SPIDR: variants seen among roughly 807,000 people sequenced by gnomAD.
SPIDR encodes the protein scaffold protein involved in DNA repair.
In SPIDR, 93 loss-of-function variants were observed where a neutral mutation model predicts 104.6. The observed-to-expected ratio is 0.89, with a 90% CI of 0.75 to 1.06. The LOEUF is 1.06. SPIDR is among the 50% of genes least tolerant of loss of function. The pLI is 0.00. For synonymous variants in SPIDR, 431 were observed against 416.9 expected, an observed-to-expected ratio of 1.03 and a Z score of -0.41; for missense variants, 1,154 against 1,111.2, an observed-to-expected ratio of 1.04 and a Z score of -0.55.
chr8:47,304,567 T>C (rs1005344785), intron 5 of SPIDR, among the ~76,000 whole-genome samples: 7 of 152,164 alleles, frequency 4.6e-5, no homozygotes, highest in African/African-American at 1.7e-4. Flanking sequence ...GCTCTCTTGC[T>C]TTCACCATGT....
chr8:47,735,795 A>G lies in SPIDR; in HGVS notation c.*345A>G, dbSNP rs879260082. ...ATTTTAACAAGTTGAACATTTTACCATGATTGAACATGTTTTTATTACAGT... is the reference window on the plus strand; with the variant it reads ...ATTTTAACAAGTTGAACATTTTACCGTGATTGAACATGTTTTTATTACAGT... On this transcript the variant is annotated 3_prime_UTR_variant, in exon 20 of 20. Coordinates refer to ENST00000297423, the MANE Select transcript of SPIDR (RefSeq NM_001080394.4). 2.1e-6 allele frequency: 1 copy of G among 468,166 alleles called. No homozygotes were observed. Among genetic ancestry groups the G allele is most frequent in the Non-Finnish European group, 3.8e-6 (1 of 261,894 alleles). The allele number at this position is 468,166 out of a possible 1,614,324, so 29.0% of individuals were successfully genotyped here.
chr8:47,344,266 C>A (rs546204741), intron 5 of SPIDR, among the ~76,000 whole-genome samples: 48 of 152,202 alleles, frequency 3.2e-4, no homozygotes, highest in African/African-American at 1.1e-3. Context: ...ATGGTTTCCA[C>A]CTTCATCCAT....
chr8:47,691,805 T>C (rs1163689713), intron 11 of SPIDR, among the ~76,000 whole-genome samples: 1 of 152,192 alleles, frequency 6.6e-6, no homozygotes, highest in Non-Finnish European at 1.5e-5. Context: ...GGGGGTTACA[T>C]GGAATTAGTA....
chr8:47,552,698 T>A (rs1394572383), intron 8 of SPIDR, among the ~76,000 whole-genome samples: 3 of 152,174 alleles, frequency 2.0e-5, no homozygotes, highest in Admixed American at 2.0e-4. Context: ...CACTGATGTG[T>A]CTTGACTCTT....
At chr8:47,547,844 C>G (rs1260218500) in intron 8 of SPIDR, 2 of 173,506 alleles carry the variant, frequency 1.2e-5, no homozygotes, top group East Asian at 1.8e-4. Context: ...GGACGATGAA[C>G]AAACACACTG....
intron 5 of SPIDR, among the ~76,000 whole-genome samples, chr8:47,354,413 T>C (rs1399693399): frequency 6.6e-6 from 1 of 151,922 alleles, no homozygotes; most frequent in Non-Finnish European, 1.5e-5. Flanking sequence ...AAGCTAAGGA[T>C]TGGAGCTTAT....
intron 5 of SPIDR, among the ~76,000 whole-genome samples, chr8:47,389,740 G>C (rs2060361425): frequency 7.0e-6 from 1 of 143,312 alleles, no homozygotes; most frequent in Admixed American, 6.9e-5. Flanking sequence ...TTTCGCCCAA[G>C]TACATTGGGT....
chr8:47,668,140 A>T (rs892583471), intron 10 of SPIDR, among the ~76,000 whole-genome samples: 1 of 152,216 alleles, frequency 6.6e-6, no homozygotes, highest in African/African-American at 2.4e-5. Flanking sequence ...AACACAGATT[A>T]TGTGAGTCTT....
rs1554659991 is a variant in SPIDR at position 47,398,369 on chromosome 8, C to T, written c.776+1743C>T. On this transcript the variant is annotated intron_variant, in intron 6 of 19. Transcript: ENST00000297423. ...AAGGTGAATGGAGCCCCGCTTGTGT[C>T]GAGGGAAGGGCAATAAGGAGCCAAG... Among the ~76,000 whole-genome samples the T allele has an allele frequency of 8.6e-5, 13 of 151,702 alleles. No individual in the cohort carries two copies. In the South Asian group the frequency reaches 1.7e-3, roughly 19 times the overall value.
chr8:47,673,087 A>G (rs1334051105), intron 10 of SPIDR, among the ~76,000 whole-genome samples: 1 of 152,218 alleles, frequency 6.6e-6, no homozygotes, highest in Non-Finnish European at 1.5e-5. Context: ...GGCTCCGTGA[A>G]ATGTTTTCTG....
chr8:47,398,630 A>G (rs1554660132), intron 6 of SPIDR, among the ~76,000 whole-genome samples: 5 of 152,274 alleles, frequency 3.3e-5, no homozygotes, highest in Non-Finnish European at 5.9e-5. Context: ...TCAGTTAGAC[A>G]TTATACATCT....
At chr8:47,551,252 C>A (rs976854841) in intron 8 of SPIDR, among the ~76,000 whole-genome samples, 3 of 152,170 alleles carry the variant, frequency 2.0e-5, no homozygotes, top group Non-Finnish European at 4.4e-5. Flanking sequence ...GTGTCTCTGC[C>A]AGGCTTTGGT....
chr8:47,392,423 AT>A (rs1459161931), intron 5 of SPIDR, among the ~76,000 whole-genome samples: 5 of 152,178 alleles, frequency 3.3e-5, no homozygotes, highest in African/African-American at 9.7e-5. Flanking sequence ...CAGTTTTTAA[AT>A]TGGGTATAAG....
chr8:47,407,957 T>G lies in SPIDR; in HGVS notation c.873T>G (p.Leu291=). Residue 291 remains leucine, a synonymous_variant, in exon 7 of 20, where the codon CTT becomes CTG. Coordinates refer to ENST00000297423, the MANE Select transcript of SPIDR (RefSeq NM_001080394.4). The stretch of plus-strand genomic sequence containing the variant: ...AATGTATTTCTTACCAAAAGACACT[T>G]TCAGGTAAGGCTTGTGCAGGAATCT... ...RHQCISYQKT[L]SGRKSGVLTV... is the part of the protein sequence containing the mutation. 6.4e-7 allele frequency: 1 copy of G among 1,568,954 alleles called. No individual in the cohort carries two copies.
At chr8:47,640,296 A>AGTTG (rs1742076910) in intron 10 of SPIDR, among the ~76,000 whole-genome samples, 2 of 152,164 alleles carry the variant, frequency 1.3e-5, no homozygotes, top group South Asian at 4.1e-4. Flanking sequence ...GGGGAACCTG[A>AGTTG]GTTGGGTAGA....
chr8:47,476,103 T>G (rs2076261706), intron 8 of SPIDR, among the ~76,000 whole-genome samples: 1 of 152,110 alleles, frequency 6.6e-6, no homozygotes. Flanking sequence ...AGTTAAAGCT[T>G]TTGTGTATTC....
intron 8 of SPIDR, among the ~76,000 whole-genome samples, chr8:47,545,236 A>G (rs1367715085): frequency 6.7e-6 from 1 of 150,114 alleles, no homozygotes; most frequent in African/African-American, 2.4e-5. Flanking sequence ...TTTCCAGCCA[A>G]TTTTTGTATT....
intron 10 of SPIDR, among the ~76,000 whole-genome samples, chr8:47,603,146 G>A (rs908091298): frequency 1.4e-4 from 17 of 123,258 alleles, no homozygotes; most frequent in Middle Eastern, 3.9e-3. Context: ...GACTAATAAA[G>A]CCATAGGCTT....
intron 8 of SPIDR, 105 bp from the exon 9 acceptor site, chr8:47,595,706 T>A (rs1045523539): frequency 2.1e-5 from 22 of 1,072,812 alleles, no homozygotes; most frequent in African/African-American, 4.8e-5. Flanking sequence ...TGGCTTTAGC[T>A]GTCCATAGCA....
Sources: gnomAD v4.1 joint callset for allele counts (sites outside exome capture counted in the v4.1 genomes callset) on GRCh38, gnomAD v4.1.1 for gene constraint, MANE v1.5 for transcripts, NCBI Gene and HGNC (gene_info 2026-07-23, HGNC 2026-07-21) for gene names.